The following SYS1 variants were observed in gnomAD, a reference collection of about 807,000 sequenced individuals.
The protein encoded by SYS1 is protein SYS1 homolog.
SYS1 carries 8 observed loss-of-function variants against 17.8 expected under a neutral mutation model. That is an observed-to-expected ratio of 0.45 (90% CI 0.26 to 0.81). The LOEUF is 0.81. Among genes scored for constraint, SYS1 ranks in the 40% least tolerant of loss-of-function variants. The pLI, the probability that SYS1 is intolerant of heterozygous loss-of-function variation, is 0.16. For missense variants in SYS1, 161 were observed against 203.9 expected (o/e 0.79, Z 1.28); for synonymous variants, 95 against 90.9 (o/e 1.05, Z -0.26).
At position 45,366,971 on chromosome 20, in the gene SYS1, C is replaced by T. The variant is rs759912754; in HGVS notation, c.327C>T (p.Tyr109=). 4 of 1,614,196 alleles carry T rather than the reference C, an allele frequency of 2.5e-6. No homozygotes were observed. The highest frequency in any genetic ancestry group is 3.4e-6 in the Non-Finnish European group (4 of 1,180,036). The part of the protein sequence containing the change: ...HFFHLLGCWF[Y]SSRFPSALTW... ...TTCACCTCCTGGGCTGCTGGTTCTA[C>T]AGCTCCCGTTTCCCCTCGGCGCTGA... The change falls in exon 4 of 4, where the codon TAC becomes TAT. Residue 109 remains tyrosine, a synonymous_variant. Transcript: ENST00000243918.
In SYS1 at chr20:45,367,419, G is replaced by C; in HGVS notation, c.*304G>C. ...GAGCCACAATACCTGTCACCAGCCT[G>C]TTGTTTTAAGAGAGAAAAAAAATCA... On this transcript the variant is annotated 3_prime_UTR_variant, in exon 4 of 4. Transcript: ENST00000243918. 1 of 1,188,560 alleles carries C rather than the reference G, an allele frequency of 8.4e-7. No homozygotes were observed. Among genetic ancestry groups the C allele is most frequent in the Non-Finnish European group, 1.0e-6 (1 of 952,522 alleles). 73.6% of individuals were successfully genotyped at this position (1,188,560 alleles called of 1,614,324 possible).
At chr20:45,366,827 A>C in intron 3 of SYS1, 48 bp from the exon 4 acceptor site, 1 of 1,534,906 alleles carries the variant, frequency 6.5e-7, no homozygotes, top group South Asian at 1.1e-5. Flanking sequence ...CAAATAACCT[A>C]AGGCCAGGAC....
rs529548523 is a variant in SYS1, at chr20:45,368,436, T to C, written c.*1321T>C. The C allele has an allele frequency of 7.1e-6, 7 of 985,434 alleles. No homozygotes were observed. In the African/African-American group the frequency reaches 1.2e-4, roughly 17 times the overall value. The allele number at this position is 985,434 out of a possible 1,614,324, so 61.0% of individuals were successfully genotyped here. On this transcript the variant is annotated 3_prime_UTR_variant, in exon 4 of 4. Coordinates refer to ENST00000243918, the MANE Select transcript of SYS1 (RefSeq NM_033542.4). ...CATTGAAACCTTCACTGTTCCTCTTTGGTTTCTTCAGAGCTTTCCCAAGAG... is the reference window on the plus strand; with the variant it reads ...CATTGAAACCTTCACTGTTCCTCTTCGGTTTCTTCAGAGCTTTCCCAAGAG...
At position 45,375,142 on chromosome 20, in the gene SYS1, G is replaced by A. The variant is rs369818892; in HGVS notation, c.*848G>A. On this transcript the variant is annotated 3_prime_UTR_variant, in exon 4 of 4. Coordinates refer to the SYS1 transcript ENST00000426004. Reference sequence around the variant, plus strand: ...GGAGGATCTGCACATCACCCTGGGCGCCGGGAGGTGGATTCGTGTGGGCAG... The same window carrying A: ...GGAGGATCTGCACATCACCCTGGGCACCGGGAGGTGGATTCGTGTGGGCAG... 1.2e-5 allele frequency: 20 copies of A among 1,614,142 alleles called. No homozygotes were observed. The Admixed American group carries it at 1.3e-4, about 11-fold the overall frequency.
Position 45,369,141 on chromosome 20 carries a change from G to C in SYS1, c.*2026G>C, listed in dbSNP as rs542975810. On this transcript the variant is annotated 3_prime_UTR_variant, in exon 4 of 4. Transcript: ENST00000243918. ...AAGCAGTTTTTAGAGTTGAGTTCCAGAGAGGGCAGGGCAATGGCAGTGACA... is the reference window on the plus strand; with the variant it reads ...AAGCAGTTTTTAGAGTTGAGTTCCACAGAGGGCAGGGCAATGGCAGTGACA... 1 of 152,608 alleles carries C rather than the reference G, an allele frequency of 6.6e-6. No homozygotes were observed. Among genetic ancestry groups the C allele is most frequent in the African/African-American group, 2.4e-5 (1 of 41,578 alleles). 9.5% of individuals were successfully genotyped at this position (152,608 alleles called of 1,614,324 possible). A position where few individuals can be genotyped will look rare whatever the true frequency, so the allele number is the denominator to read the frequency against.
rs1347418888 is a variant in SYS1 at position 45,366,860 on chromosome 20, G to A, written c.231-15G>A. 6.2e-7 allele frequency: 1 copy of A among 1,611,820 alleles called. No homozygotes were observed. The highest frequency in any genetic ancestry group is 1.1e-5 in the South Asian group (1 of 91,046). Reference sequence around the variant, plus strand: ...GACAACCCAGTGACAACTCACTGCTGTCCTCTCCCCACAGTGCCCTGGGCT... The same window carrying A: ...GACAACCCAGTGACAACTCACTGCTATCCTCTCCCCACAGTGCCCTGGGCT... On this transcript the variant is annotated splice_polypyrimidine_tract_variant and intron_variant, in intron 3 of 3. Transcript: ENST00000243918.
chr20:45,363,336 C>G (rs935004068), intron 1 of SYS1, 21 bp downstream of exon 1: 3 of 1,420,230 alleles, frequency 2.1e-6, no homozygotes, highest in African/African-American at 2.9e-5. Flanking sequence ...CCCAGAGGAG[C>G]TCGTGTACGG....
rs568891028 is a variant in SYS1, at chr20:45,366,356, G to A, written c.231-519G>A. Among the ~76,000 whole-genome samples, 11 of 152,330 alleles carry A rather than the reference G, an allele frequency of 7.2e-5. No homozygotes were observed. The South Asian group carries it at 1.4e-3, about 20-fold the overall frequency. On this transcript the variant is annotated intron_variant, in intron 3 of 3. Transcript: ENST00000243918. ...TATTATTCTTGTCCTTACACCGGAG[G>A]TTGAAAACTGGTGGGCTGACTTTGA...
chr20:45,370,708 C>G (rs1988543354), downstream of SYS1, among the ~76,000 whole-genome samples: 1 of 152,150 alleles, frequency 6.6e-6, no homozygotes, highest in African/African-American at 2.4e-5. Flanking sequence ...TAGCTTCCTT[C>G]TGCCAGCCCC....
intron 3 of SYS1, chr20:45,374,246 G>T: frequency 1.4e-6 from 1 of 689,712 alleles, no homozygotes; most frequent in South Asian, 1.5e-5. Flanking sequence ...TTTTGCTAAG[G>T]AACTTTCTGC....
chr20:45,365,285 G>C (rs1335291212), intron 2 of SYS1: 2 of 405,752 alleles, frequency 4.9e-6, no homozygotes, highest in African/African-American at 4.1e-5. Context: ...ATGTACAGGA[G>C]CAGATGCCAG....
At chr20:45,365,445 C>G in intron 2 of SYS1, 174 bp from the exon 3 acceptor site, 1 of 755,928 alleles carries the variant, frequency 1.3e-6, no homozygotes, top group East Asian at 2.5e-5. Flanking sequence ...CAAATGAAAT[C>G]CCATAATGGA....
At chr20:45,375,799 C>T in exon 4 of SYS1, 1 of 509,282 alleles carries the variant, frequency 2.0e-6, no homozygotes, top group East Asian at 3.4e-5. Context: ...TGAATATTGT[C>T]TACATCATCT....
downstream of SYS1, among the ~76,000 whole-genome samples, chr20:45,371,000 G>A (rs1052536078): frequency 6.6e-6 from 1 of 152,158 alleles, no homozygotes; most frequent in Non-Finnish European, 1.5e-5. Context: ...ACAGTCATAG[G>A]TCCAATTCTG....
chr20:45,374,968 T>C (rs1035592961), exon 4 of SYS1: 156 of 1,546,134 alleles, frequency 1.0e-4, no homozygotes, highest in Non-Finnish European at 1.3e-4. Flanking sequence ...ACCCTGACTC[T>C]GGGGCCCAGC....
At chr20:45,373,689 C>T (rs1988625857), downstream of SYS1, 9 of 575,318 alleles carry the variant, frequency 1.6e-5, no homozygotes, top group Non-Finnish European at 2.8e-5. Context: ...TCACAGAGCG[C>T]GCCACTCAGG....
intron 2 of SYS1, among the ~76,000 whole-genome samples, chr20:45,364,532 C>G (rs1024703629): frequency 2.6e-4 from 31 of 119,612 alleles, no homozygotes; most frequent in African/African-American, 9.6e-4. Flanking sequence ...AGTGCAGTGG[C>G]AGGATCTCGG....
At chr20:45,363,417 C>T (rs763378650) in intron 1 of SYS1, 102 bp downstream of exon 1, 40 of 1,450,624 alleles carry the variant, frequency 2.8e-5, no homozygotes, top group Non-Finnish European at 3.6e-5. Context: ...GCCCCGCCTT[C>T]CCCCTGACTC....
At chr20:45,362,428 G>A (rs1395736898), upstream of SYS1, among the ~76,000 whole-genome samples, 8 of 152,068 alleles carry the variant, frequency 5.3e-5, no homozygotes, top group South Asian at 1.2e-3. Flanking sequence ...GTGCAATGGC[G>A]TGATCTCGGC....
Sources: gnomAD v4.1 joint callset for allele counts (sites outside exome capture counted in the v4.1 genomes callset) on GRCh38, gnomAD v4.1.1 for gene constraint, MANE v1.5 for transcripts, NCBI Gene and HGNC (gene_info 2026-07-23, HGNC 2026-07-21) for gene names.